The following SLC16A9 variants were observed in gnomAD, a reference collection of about 807,000 sequenced individuals.
SLC16A9 encodes the protein monocarboxylate transporter 9.
In SLC16A9, 26 loss-of-function variants were observed where a neutral mutation model predicts 44.3. That is an observed-to-expected ratio of 0.59 (90% confidence interval 0.43 to 0.81). The LOEUF is 0.81. Among genes scored for constraint, SLC16A9 ranks in the 40% least tolerant of loss-of-function variants. The pLI is 0.00. For missense variants in SLC16A9, 559 were observed against 595.8 expected (o/e 0.94, Z 0.64); for synonymous variants, 230 against 225.1 (o/e 1.02, Z -0.19).
chr10:59,662,144 TTAAAC>T (rs1326649227), intron 4 of SLC16A9, among the ~76,000 whole-genome samples: 1 of 152,016 alleles, frequency 6.6e-6, no homozygotes, highest in Non-Finnish European at 1.5e-5. Flanking sequence ...TGGGATCTAA[TTAAAC>T]TAAAGAGCTT....
At chr10:59,661,067 G>A (rs541830973) in intron 4 of SLC16A9, among the ~76,000 whole-genome samples, 1 of 152,302 alleles carries the variant, frequency 6.6e-6, no homozygotes, top group Admixed American at 6.5e-5. Flanking sequence ...GGCAAAAGCT[G>A]GAAGCATTCC....
intron 4 of SLC16A9, among the ~76,000 whole-genome samples, chr10:59,656,329 C>T (rs1714473327): frequency 6.6e-6 from 1 of 152,196 alleles, no homozygotes; most frequent in Non-Finnish European, 1.5e-5. Flanking sequence ...CAGATTCTAA[C>T]AAAGTGTCAC....
chr10:59,663,339 C>T (rs1033399976), intron 4 of SLC16A9, among the ~76,000 whole-genome samples: 1 of 151,554 alleles, frequency 6.6e-6, no homozygotes, highest in African/African-American at 2.4e-5. Context: ...CCAGCCTGGG[C>T]AACAAGAGCG....
intron 4 of SLC16A9, among the ~76,000 whole-genome samples, chr10:59,654,963 C>G (rs1839316450): frequency 6.6e-6 from 1 of 152,138 alleles, no homozygotes; most frequent in South Asian, 2.1e-4. Flanking sequence ...AGGATTCACA[C>G]TCAGTCAGTT....
intron 1 of SLC16A9, among the ~76,000 whole-genome samples, chr10:59,705,006 T>C (rs1840607346): frequency 6.6e-6 from 1 of 152,198 alleles, no homozygotes; most frequent in Admixed American, 6.5e-5. Flanking sequence ...TTGGGGAGTT[T>C]ATTGGGAATC....
Position 59,651,251 on chromosome 10 carries a change from A to G in SLC16A9, c.*1521T>C, listed in dbSNP as rs1432406282. ...AAAGTGCTTCAGGCGCCTTCGAAGA[A>G]AGGCAACATACAAGTATAAAATAAT... On this transcript the variant is annotated 3_prime_UTR_variant, in exon 6 of 6. Coordinates refer to ENST00000395348, the MANE Select transcript of SLC16A9 (RefSeq NM_194298.3). 6.6e-6 allele frequency: 1 copy of G among 152,234 alleles called. No homozygotes were observed. Among genetic ancestry groups the G allele is most frequent in the Non-Finnish European group, 1.5e-5 (1 of 68,042 alleles). 9.4% of individuals were successfully genotyped at this position (152,234 alleles called of 1,614,324 possible).
intron 2 of SLC16A9, among the ~76,000 whole-genome samples, chr10:59,676,707 G>C (rs1382288712): frequency 2.0e-5 from 3 of 152,116 alleles, no homozygotes; most frequent in African/African-American, 7.2e-5. Context: ...TGGAACACCT[G>C]AGGTCAGGAG....
intron 4 of SLC16A9, among the ~76,000 whole-genome samples, chr10:59,658,371 C>G (rs1345538869): frequency 6.6e-6 from 1 of 151,960 alleles, no homozygotes; most frequent in Non-Finnish European, 1.5e-5. Flanking sequence ...ATTTGTTACT[C>G]ATAAAAATTC....
At chr10:59,667,891 T>A (rs1471868340) in intron 3 of SLC16A9, among the ~76,000 whole-genome samples, 1 of 152,218 alleles carries the variant, frequency 6.6e-6, no homozygotes, top group Admixed American at 6.5e-5. Context: ...TATTTACATG[T>A]TGTAACATTT....
At chr10:59,703,644 C>T (rs748583891) in intron 1 of SLC16A9, among the ~76,000 whole-genome samples, 5 of 151,824 alleles carry the variant, frequency 3.3e-5, no homozygotes, top group Non-Finnish European at 7.4e-5. Flanking sequence ...AGTCTGGTCT[C>T]TTAATGTGTT....
intron 1 of SLC16A9, among the ~76,000 whole-genome samples, chr10:59,696,622 C>T (rs1840383292): frequency 6.8e-6 from 1 of 147,168 alleles, no homozygotes; most frequent in Non-Finnish European, 1.5e-5. Context: ...AAGTGAGGAG[C>T]GTCTCTGCCC....
intron 4 of SLC16A9, among the ~76,000 whole-genome samples, chr10:59,655,566 T>C (rs1048045141): frequency 6.6e-6 from 1 of 152,190 alleles, no homozygotes; most frequent in African/African-American, 2.4e-5. Flanking sequence ...GGTATTTAAA[T>C]TACAAAGTAT....
At chr10:59,696,980 TGG>T (rs549905196) in intron 1 of SLC16A9, among the ~76,000 whole-genome samples, 1 of 122,246 alleles carries the variant, frequency 8.2e-6, no homozygotes, top group African/African-American at 3.3e-5. Context: ...AGAAGGGAGG[TGG>T]GGGGGTCAGC....
chr10:59,698,568 C>A (rs1840451572), intron 1 of SLC16A9, among the ~76,000 whole-genome samples: 1 of 152,098 alleles, frequency 6.6e-6, no homozygotes, highest in African/African-American at 2.4e-5. Flanking sequence ...TAGCCAAGCA[C>A]AGGTTCAACC....
rs1588967580 is a variant in SLC16A9, at chr10:59,664,810, A to G, written c.341-488T>C. On this transcript the variant is annotated intron_variant, in intron 3 of 5. Transcript: ENST00000395348. Reference sequence around the variant, plus strand: ...CTGCACAAGCCAGTCTGCAATATGAAGGCCCTGTGGGGTTCTCATATCATC... The same window carrying G: ...CTGCACAAGCCAGTCTGCAATATGAGGGCCCTGTGGGGTTCTCATATCATC... Among the ~76,000 whole-genome samples, 3 of 152,304 alleles carry G rather than the reference A, an allele frequency of 2.0e-5. No homozygotes were observed. The East Asian group carries it at 5.8e-4, about 29-fold the overall frequency.
At chr10:59,658,113 A>C (rs768182534) in intron 4 of SLC16A9, among the ~76,000 whole-genome samples, 11 of 152,216 alleles carry the variant, frequency 7.2e-5, no homozygotes, top group Non-Finnish European at 1.5e-4. Flanking sequence ...GTCTTAACCC[A>C]GACATTCCCT....
In SLC16A9 at chr10:59,653,820, A is replaced by G; in HGVS notation, c.1206T>C (p.Ser402=). Residue 402 remains serine, a synonymous_variant, in exon 5 of 6, where the codon TCT becomes TCC. Coordinates refer to ENST00000395348, the MANE Select transcript of SLC16A9 (RefSeq NM_194298.3). ...TACCAGTAAGAAACCCTAGGATCCC[A>G]GAAAGCAACGCCAATGTGACATAGC... The part of the protein sequence containing the change: ...AKSYVTLALL[S]GILGFLTGNW... The G allele has an allele frequency of 6.2e-7, 1 of 1,614,176 alleles. No homozygotes were observed. The highest frequency in any genetic ancestry group is 8.5e-7 in the Non-Finnish European group (1 of 1,180,026).
chr10:59,696,076 C>T (rs1840364031), intron 1 of SLC16A9, among the ~76,000 whole-genome samples: 1 of 151,914 alleles, frequency 6.6e-6, no homozygotes, highest in Non-Finnish European at 1.5e-5. Flanking sequence ...CCTCTCCCCT[C>T]TCCCCTCTCC....
At chr10:59,705,013 A>T (rs1028857515) in intron 1 of SLC16A9, among the ~76,000 whole-genome samples, 4 of 152,312 alleles carry the variant, frequency 2.6e-5, no homozygotes, top group South Asian at 4.1e-4. Flanking sequence ...GTTTATTGGG[A>T]ATCATGAGAA....
Sources: gnomAD v4.1 joint callset for allele counts (sites outside exome capture counted in the v4.1 genomes callset) on GRCh38, gnomAD v4.1.1 for gene constraint, MANE v1.5 for transcripts, NCBI Gene and HGNC (gene_info 2026-07-23, HGNC 2026-07-21) for gene names.